The following GPM6A variants were observed in gnomAD, a reference collection of about 807,000 sequenced individuals.
GPM6A encodes the protein neuronal membrane glycoprotein M6-a.
A neutral mutation model predicts 32.1 loss-of-function variants in GPM6A; 7 were observed. That is an observed-to-expected ratio of 0.22 (90% CI 0.12 to 0.41). The LOEUF (loss-of-function observed/expected upper bound fraction) is 0.41. Among genes scored for constraint, GPM6A ranks in the 10% least tolerant of loss-of-function variants. The pLI, the probability that GPM6A is intolerant of heterozygous loss-of-function variation, is 1.00. For missense variants in GPM6A, 235 were observed against 347.2 expected, an observed-to-expected ratio of 0.68 and a Z score of 2.57; for synonymous variants, 130 against 123.4, an observed-to-expected ratio of 1.05 and a Z score of -0.35.
intron 1 of GPM6A, among the ~76,000 whole-genome samples, chr4:175,836,416 G>A (rs950884364): frequency 6.6e-6 from 1 of 151,850 alleles, no homozygotes; most frequent in Non-Finnish European, 1.5e-5. Flanking sequence ...CTGCCCTCTT[G>A]GAGATTACAT....
chr4:175,862,275 A>T (rs1268728567), intron 1 of GPM6A, among the ~76,000 whole-genome samples: 1 of 152,194 alleles, frequency 6.6e-6, no homozygotes, highest in Non-Finnish European at 1.5e-5. Context: ...TCAGTGCCAG[A>T]TGACTCTGCC....
chr4:175,989,317 C>G (rs962274971), intron 1 of GPM6A, among the ~76,000 whole-genome samples: 30 of 152,162 alleles, frequency 2.0e-4, no homozygotes, highest in Admixed American at 1.8e-3. Flanking sequence ...ATAATAGCCT[C>G]TTTAAACATT....
intron 1 of GPM6A, among the ~76,000 whole-genome samples, chr4:175,937,193 G>T (rs1050440730): frequency 6.6e-6 from 1 of 151,686 alleles, no homozygotes; most frequent in Non-Finnish European, 1.5e-5. Flanking sequence ...TTCACTTTTA[G>T]AAGTCTACTT....
At chr4:175,754,152 T>C (rs2111194781) in intron 1 of GPM6A, among the ~76,000 whole-genome samples, 1 of 152,294 alleles carries the variant, frequency 6.6e-6, no homozygotes, top group South Asian at 2.1e-4. Flanking sequence ...TCCCATGCCC[T>C]GCTAATTCCC....
intron 1 of GPM6A, among the ~76,000 whole-genome samples, chr4:175,908,962 C>T (rs1264574388): frequency 1.4e-5 from 2 of 139,106 alleles, no homozygotes; most frequent in African/African-American, 5.3e-5. Context: ...TCTGTTTTCC[C>T]ATCGCTCTTG....
At chr4:175,965,176 C>G (rs1280561940) in intron 1 of GPM6A, among the ~76,000 whole-genome samples, 1 of 152,160 alleles carries the variant, frequency 6.6e-6, no homozygotes, top group East Asian at 1.9e-4. Flanking sequence ...TCCTAAAACA[C>G]ATCTTAATAA....
At chr4:175,659,371 C>A (rs1361088680) in intron 3 of GPM6A, among the ~76,000 whole-genome samples, 1 of 152,124 alleles carries the variant, frequency 6.6e-6, no homozygotes, top group Non-Finnish European at 1.5e-5. Context: ...TAAGCCACTG[C>A]ACTTGGCGGA....
Position 175,961,730 on chromosome 4 carries a change from G to A in GPM6A, c.-23+40579C>T, listed in dbSNP as rs986239282. ...TGGAGAGTGAGAGAGCAGCTCTTTCGAAAAACACCAGAGCTTTCTGTTCTC... is the reference window on the plus strand; with the variant it reads ...TGGAGAGTGAGAGAGCAGCTCTTTCAAAAAACACCAGAGCTTTCTGTTCTC... On this transcript the variant is annotated intron_variant, in intron 1 of 7. Transcript: ENST00000280187. 3.3e-5 allele frequency among the ~76,000 whole-genome samples: 5 copies of A among 152,152 alleles called. No individual in the cohort carries two copies. In the South Asian group the frequency reaches 1.0e-3, roughly 32 times the overall value.
chr4:175,935,408 T>C (rs1739185894), intron 1 of GPM6A, among the ~76,000 whole-genome samples: 3 of 152,134 alleles, frequency 2.0e-5, no homozygotes, highest in African/African-American at 7.2e-5. Flanking sequence ...ACTGTCAATG[T>C]CCAAAAAAGA....
chr4:175,800,571 A>G (rs1734433828), intron 1 of GPM6A, among the ~76,000 whole-genome samples: 1 of 152,174 alleles, frequency 6.6e-6, no homozygotes, highest in Non-Finnish European at 1.5e-5. Context: ...TACCTACATA[A>G]TACTGCATTA....
chr4:175,851,433 C>T (rs768597362), intron 1 of GPM6A, among the ~76,000 whole-genome samples: 8 of 148,618 alleles, frequency 5.4e-5, no homozygotes, highest in African/African-American at 7.5e-5. Flanking sequence ...TGCAGTGGGC[C>T]GAGATTGTGC....
chr4:175,851,753 T>C (rs772636576), intron 1 of GPM6A, among the ~76,000 whole-genome samples: 3 of 152,240 alleles, frequency 2.0e-5, no homozygotes, highest in Admixed American at 1.3e-4. Context: ...TCACGCATTA[T>C]GAAAATATAA....
intron 3 of GPM6A, among the ~76,000 whole-genome samples, chr4:175,652,384 T>C (rs895127315): frequency 2.6e-5 from 4 of 152,150 alleles, no homozygotes; most frequent in Non-Finnish European, 4.4e-5. Flanking sequence ...TAAATTTCCA[T>C]AGGACTAAAC....
chr4:175,839,380 A>C (rs2111382269), intron 1 of GPM6A, among the ~76,000 whole-genome samples: 1 of 152,334 alleles, frequency 6.6e-6, no homozygotes, highest in East Asian at 1.9e-4. Context: ...TACTACATTA[A>C]AATTTTAAAA....
Position 175,634,871 on chromosome 4 carries a change from G to A in GPM6A, c.*34C>T. The A allele has an allele frequency of 1.3e-6, 2 of 1,584,612 alleles. No homozygotes were observed. The highest frequency in any genetic ancestry group is 1.3e-5 in the African/African-American group (1 of 74,256). On this transcript the variant is annotated 3_prime_UTR_variant, in exon 7 of 7. Coordinates refer to ENST00000393658, the MANE Select transcript of GPM6A (RefSeq NM_201591.3). ...GGATGGCCCTTAGTTAAACACCAATGCATTCAAATGGTAGAAAGAACAGGA... is the reference window on the plus strand; with the variant it reads ...GGATGGCCCTTAGTTAAACACCAATACATTCAAATGGTAGAAAGAACAGGA...
chr4:175,821,786 A>C (rs1268673483), intron 1 of GPM6A, among the ~76,000 whole-genome samples: 1 of 152,062 alleles, frequency 6.6e-6, no homozygotes, highest in Admixed American at 6.5e-5. Flanking sequence ...TTTAAAAATC[A>C]GTCCTATAAG....
chr4:175,637,904 T>A (rs868814966), intron 6 of GPM6A, among the ~76,000 whole-genome samples: 4 of 129,390 alleles, frequency 3.1e-5, no homozygotes, highest in South Asian at 4.4e-4. Context: ...TATATATACA[T>A]ATATGCATGA....
intron 2 of GPM6A, among the ~76,000 whole-genome samples, chr4:175,684,907 G>T (rs1743891425): frequency 6.6e-6 from 1 of 150,650 alleles, no homozygotes; most frequent in African/African-American, 2.4e-5. Flanking sequence ...ATTTTTTTTT[G>T]AGACGGAGTC....
chr4:175,969,775 G>A (rs60837005), intron 1 of GPM6A, among the ~76,000 whole-genome samples: 1,652 of 152,170 alleles, frequency 0.011, 12 homozygotes, highest in African/African-American at 0.019. Context: ...CAAATGTATC[G>A]CAACAGGGCA....
Sources: allele counts gnomAD v4.1 joint callset (sites outside exome capture counted in the v4.1 genomes callset), GRCh38; gene constraint gnomAD v4.1.1; transcripts MANE v1.5; gene names NCBI Gene and HGNC (gene_info 2026-07-23, HGNC 2026-07-21).